The following BCKDHB variants were observed in gnomAD, a reference collection of about 807,000 sequenced individuals.
The protein encoded by BCKDHB is branched chain keto acid dehydrogenase E1 subunit beta, also known as 2-oxoisovalerate dehydrogenase subunit beta, mitochondrial.
A neutral mutation model predicts 48.5 loss-of-function variants in BCKDHB; 41 were observed. The ratio of observed to expected loss-of-function variants is 0.85; its 90% CI spans 0.66 to 1.10. BCKDHB has a LOEUF of 1.10. Among genes scored for constraint, BCKDHB ranks in the 50% least tolerant of loss-of-function variants. The pLI is 0.00. For missense variants in BCKDHB, 496 were observed against 494.2 expected, an observed-to-expected ratio of 1.00 and a Z score of -0.03; for synonymous variants, 201 against 174.8, an observed-to-expected ratio of 1.15 and a Z score of -1.18.
the BCKDHB span, among the ~76,000 whole-genome samples, chr6:80,384,350 T>TCTTC: frequency 2.9e-3 from 247 of 85,274 alleles, 1 homozygote; most frequent in African/African-American, 0.013. Context: ...TTCTTCTTCT[T>TCTTC]TTTTTTTTTT....
In BCKDHB at chr6:80,167,814, A is replaced by C; in HGVS notation, c.477+3A>C. ...ATATTTTCCCTGCATTTGATCAGGT[A>C]AGTGAATGAACATTTCTAAGGTTGT... is the stretch of plus-strand genomic sequence containing the variant. On this transcript the variant is annotated splice_donor_region_variant and intron_variant, in intron 4 of 9. Coordinates refer to ENST00000320393, the MANE Select transcript of BCKDHB (RefSeq NM_183050.4). 6.2e-7 allele frequency: 1 copy of C among 1,613,300 alleles called. No individual in the cohort carries two copies. The highest frequency in any genetic ancestry group is 1.3e-5 in the African/African-American group (1 of 75,032).
chr6:80,436,874 C>CA, the BCKDHB span, among the ~76,000 whole-genome samples: 6 of 152,292 alleles, frequency 3.9e-5, no homozygotes, highest in African/African-American at 1.4e-4. Flanking sequence ...ACATTCCAAA[C>CA]TACAGGTTGA....
the BCKDHB span, among the ~76,000 whole-genome samples, chr6:80,380,471 A>T: frequency 6.6e-6 from 1 of 152,040 alleles, no homozygotes; most frequent in Admixed American, 6.6e-5. Context: ...AAGACTAGAA[A>T]CTATAAAAAT....
chr6:80,294,843 T>C (rs11963917), intron 9 of BCKDHB, among the ~76,000 whole-genome samples: 14,485 of 148,616 alleles, frequency 0.097, 947 homozygotes, highest in South Asian at 0.22. Context: ...TAGTTCTCCT[T>C]TTGCCCTTTG....
rs1770964177 is a variant in BCKDHB at position 80,137,788 on chromosome 6, A to G, written c.343+8559A>G. Among the ~76,000 whole-genome samples, 4 of 152,196 alleles carry G rather than the reference A, an allele frequency of 2.6e-5. 1 individual carries two copies. Among genetic ancestry groups the G allele is most frequent in the Middle Eastern group, 6.8e-3 (2 of 292 alleles). ...AATAACTGTCCGTACCAAAATGTCA[A>G]TACTGTTGAAGCTGGCTGGGCATGA... is the stretch of plus-strand genomic sequence containing the variant. On this transcript the variant is annotated intron_variant, in intron 3 of 9. Coordinates refer to ENST00000320393, the MANE Select transcript of BCKDHB (RefSeq NM_183050.4).
intron 9 of BCKDHB, among the ~76,000 whole-genome samples, chr6:80,337,202 T>C (rs1178004216): frequency 6.6e-6 from 1 of 152,146 alleles, no homozygotes; most frequent in East Asian, 1.9e-4. Context: ...TCATGGCAGA[T>C]TTAAAACAAA....
the BCKDHB span, among the ~76,000 whole-genome samples, chr6:80,369,162 T>C: frequency 6.7e-6 from 1 of 149,546 alleles, no homozygotes; most frequent in East Asian, 2.0e-4. Flanking sequence ...ACTTTAATTA[T>C]GGTGTCTTGA....
rs1171253241 is a variant in BCKDHB, at chr6:80,273,209, C to T, written c.1026C>T (p.Ser342=). 6.2e-7 allele frequency: 1 copy of T among 1,613,364 alleles called. No homozygotes were observed. The highest frequency in any genetic ancestry group is 1.3e-5 in the African/African-American group (1 of 75,016). ...PLTGGFASEI[S]STVQEECFLN... is the part of the protein sequence containing the mutation. ...CAGGCGGCTTTGCATCGGAAATCAG[C>T]TCTACAGTTCAGGTAGAGTAATTTT... Residue 342 remains serine (S), a synonymous_variant, in exon 9 of 10, where the codon AGC becomes AGT. Transcript: ENST00000320393.
intron 8 of BCKDHB, among the ~76,000 whole-genome samples, chr6:80,263,663 G>A (rs1777393543): frequency 6.6e-6 from 1 of 152,144 alleles, no homozygotes; most frequent in Non-Finnish European, 1.5e-5. Flanking sequence ...TGATACAGAA[G>A]TGTAGCAGTG....
chr6:80,324,857 A>G (rs1308886784), intron 9 of BCKDHB, among the ~76,000 whole-genome samples: 1 of 152,178 alleles, frequency 6.6e-6, no homozygotes, highest in African/African-American at 2.4e-5. Flanking sequence ...TGATTAGACC[A>G]TTAAGGTCGT....
At chr6:80,221,997 G>A (rs1775479013) in intron 8 of BCKDHB, among the ~76,000 whole-genome samples, 1 of 152,138 alleles carries the variant, frequency 6.6e-6, no homozygotes, top group Non-Finnish European at 1.5e-5. Context: ...GGGTACACAT[G>A]CGTGTTTGTT....
chr6:80,407,411 G>A, the BCKDHB span, among the ~76,000 whole-genome samples: 122 of 152,262 alleles, frequency 8.0e-4, 1 homozygote, highest in Admixed American at 6.0e-3. Context: ...TTGGTAGCTT[G>A]ATGGGGATGG....
intron 3 of BCKDHB, among the ~76,000 whole-genome samples, chr6:80,129,714 G>A (rs1172826043): frequency 6.6e-6 from 1 of 152,134 alleles, no homozygotes; most frequent in Non-Finnish European, 1.5e-5. Flanking sequence ...GGGCAAACTG[G>A]TTGACTTGAA....
the BCKDHB span, among the ~76,000 whole-genome samples, chr6:80,359,941 G>A: frequency 2.0e-5 from 3 of 152,270 alleles, no homozygotes; most frequent in South Asian, 6.2e-4. Flanking sequence ...ATCTTGCTGG[G>A]AAATTTTACC....
chr6:80,438,549 T>C, the BCKDHB span, among the ~76,000 whole-genome samples: 1 of 152,186 alleles, frequency 6.6e-6, no homozygotes, highest in African/African-American at 2.4e-5. Flanking sequence ...ACCATAACAA[T>C]TACATTTCAC....
the BCKDHB span, among the ~76,000 whole-genome samples, chr6:80,446,631 TAAAG>T: frequency 1.3e-5 from 2 of 151,210 alleles, no homozygotes; most frequent in African/African-American, 4.9e-5. Context: ...GTGTAAGAGT[TAAAG>T]AAAGAGGAAA....
downstream of BCKDHB, among the ~76,000 whole-genome samples, chr6:80,347,337 C>T (rs2128023539): frequency 6.6e-6 from 1 of 152,286 alleles, no homozygotes; most frequent in Admixed American, 6.5e-5. Context: ...GTTGGCTTAC[C>T]ATACAGAACA....
chr6:80,187,929 A>G (rs1459544265), intron 6 of BCKDHB, among the ~76,000 whole-genome samples: 1 of 152,206 alleles, frequency 6.6e-6, no homozygotes, highest in Non-Finnish European at 1.5e-5. Context: ...TGTTTTCTCA[A>G]AGAACTTAAA....
chr6:80,246,990 A>G (rs963365615), intron 8 of BCKDHB, among the ~76,000 whole-genome samples: 11 of 152,138 alleles, frequency 7.2e-5, no homozygotes, highest in Middle Eastern at 3.4e-3. Context: ...AATCAAACTT[A>G]TATTTCTTTT....
Sources: allele counts gnomAD v4.1 joint callset (sites outside exome capture counted in the v4.1 genomes callset), GRCh38; gene constraint gnomAD v4.1.1; transcripts MANE v1.5; gene names NCBI Gene and HGNC (gene_info 2026-07-23, HGNC 2026-07-21).